The following GPATCH2 variants were observed in gnomAD, a reference collection of about 807,000 sequenced individuals.
The protein encoded by GPATCH2 is G-patch domain containing 2.
A neutral mutation model predicts 58.0 loss-of-function variants in GPATCH2; 51 were observed. The observed-to-expected ratio is 0.88, with a 90% CI of 0.70 to 1.11. The LOEUF (loss-of-function observed/expected upper bound fraction) is 1.11, where lower values mean the gene tolerates loss of function less well. GPATCH2 is among the 50% of genes most tolerant of loss of function. The probability of loss-of-function intolerance (pLI) is 0.00; values close to 1 mark genes in which losing one functional copy is unlikely to be tolerated. For synonymous variants in GPATCH2, 222 were observed against 218.5 expected (o/e 1.02, Z -0.14); for missense variants, 625 against 652.2 (o/e 0.96, Z 0.45).
chr1:217,563,881 C>T (rs1029668278), intron 5 of GPATCH2, among the ~76,000 whole-genome samples: 2 of 151,712 alleles, frequency 1.3e-5, no homozygotes, highest in African/African-American at 4.8e-5. Context: ...CCCGTCTCTA[C>T]TCAAAATACA....
At chr1:217,592,756 T>A (rs1667650640) in intron 5 of GPATCH2, among the ~76,000 whole-genome samples, 1 of 151,932 alleles carries the variant, frequency 6.6e-6, no homozygotes, top group Non-Finnish European at 1.5e-5. Flanking sequence ...GATATTTCTG[T>A]AAGACATAGA....
chr1:217,437,692 C>T (rs1441265999), intron 9 of GPATCH2, among the ~76,000 whole-genome samples: 1 of 152,224 alleles, frequency 6.6e-6, no homozygotes, highest in East Asian at 1.9e-4. Flanking sequence ...GATTCCTCCT[C>T]TATGGGCAGG....
At chr1:217,596,542 G>T (rs577647388) in intron 5 of GPATCH2, among the ~76,000 whole-genome samples, 1 of 151,856 alleles carries the variant, frequency 6.6e-6, no homozygotes, top group Non-Finnish European at 1.5e-5. Flanking sequence ...AATAACACCT[G>T]GCAATTAATA....
chr1:217,599,976 A>G (rs1049392601), intron 5 of GPATCH2, among the ~76,000 whole-genome samples: 10 of 152,280 alleles, frequency 6.6e-5, no homozygotes, highest in Middle Eastern at 6.8e-3. Flanking sequence ...AAAACACCTC[A>G]AAAAAACCAA....
intron 5 of GPATCH2, among the ~76,000 whole-genome samples, chr1:217,544,056 AG>A (rs1482080711): frequency 6.6e-6 from 1 of 152,226 alleles, no homozygotes; most frequent in Non-Finnish European, 1.5e-5. Context: ...GTCTTAAAAA[AG>A]TTTACTCCAG....
intron 1 of GPATCH2, among the ~76,000 whole-genome samples, chr1:217,628,712 G>A (rs1396451234): frequency 6.7e-6 from 1 of 148,786 alleles, no homozygotes; most frequent in African/African-American, 2.5e-5. Flanking sequence ...TACCATAGTT[G>A]AATACAGAAA....
At chr1:217,503,634 A>C (rs1407234060) in intron 6 of GPATCH2, among the ~76,000 whole-genome samples, 1 of 152,174 alleles carries the variant, frequency 6.6e-6, no homozygotes, top group Non-Finnish European at 1.5e-5. Context: ...GGTAGTGAAC[A>C]TAAGATAAAA....
At chr1:217,482,919 C>A (rs1661275623) in intron 8 of GPATCH2, among the ~76,000 whole-genome samples, 1 of 152,146 alleles carries the variant, frequency 6.6e-6, no homozygotes, top group South Asian at 2.1e-4. Flanking sequence ...CCCTGGTCCT[C>A]ACCCCATGTC....
At chr1:217,559,459 G>A (rs753360546) in intron 5 of GPATCH2, among the ~76,000 whole-genome samples, 1 of 152,120 alleles carries the variant, frequency 6.6e-6, no homozygotes, top group Non-Finnish European at 1.5e-5. Context: ...ACTCCATTGA[G>A]AGCTGGCTAC....
At chr1:217,554,141 T>G (rs1448345013) in intron 5 of GPATCH2, among the ~76,000 whole-genome samples, 1 of 152,236 alleles carries the variant, frequency 6.6e-6, no homozygotes, top group Non-Finnish European at 1.5e-5. Context: ...AACAGAAGCC[T>G]TGTTATAGCT....
intron 1 of GPATCH2, among the ~76,000 whole-genome samples, chr1:217,624,262 A>T (rs2102851664): frequency 6.6e-6 from 1 of 152,336 alleles, no homozygotes; most frequent in Admixed American, 6.5e-5. Context: ...TCACGCCTGT[A>T]ATCCCAGCAC....
intron 5 of GPATCH2, among the ~76,000 whole-genome samples, chr1:217,556,197 G>A (rs1181724552): frequency 6.6e-6 from 1 of 152,072 alleles, no homozygotes; most frequent in East Asian, 1.9e-4. Flanking sequence ...AATATAGCTT[G>A]TACAGTTAAG....
At chr1:217,569,865 T>C (rs1446503049) in intron 5 of GPATCH2, among the ~76,000 whole-genome samples, 1 of 151,664 alleles carries the variant, frequency 6.6e-6, no homozygotes, top group African/African-American at 2.4e-5. Context: ...TAATGAAAAA[T>C]GCTAAAGACA....
intron 5 of GPATCH2, among the ~76,000 whole-genome samples, chr1:217,547,237 C>G (rs1324590146): frequency 1.3e-5 from 2 of 152,000 alleles, no homozygotes; most frequent in Non-Finnish European, 2.9e-5. Context: ...GTGGTGGGCA[C>G]CTGTAATCCC....
intron 5 of GPATCH2, among the ~76,000 whole-genome samples, chr1:217,563,517 G>T (rs1666033785): frequency 6.6e-6 from 1 of 152,030 alleles, no homozygotes; most frequent in South Asian, 2.1e-4. Context: ...AGAAATCTAA[G>T]TAAGAATTTG....
At chr1:217,516,448 T>C (rs2102586740) in intron 5 of GPATCH2, among the ~76,000 whole-genome samples, 1 of 152,328 alleles carries the variant, frequency 6.6e-6, no homozygotes, top group East Asian at 1.9e-4. Context: ...AATAACCCTA[T>C]GGTTTGAGCG....
intron 8 of GPATCH2, among the ~76,000 whole-genome samples, chr1:217,476,246 G>C (rs1413882028): frequency 6.6e-6 from 1 of 151,788 alleles, no homozygotes; most frequent in Non-Finnish European, 1.5e-5. Context: ...GTGTGTGTGT[G>C]TGTGTGTGTG....
chr1:217,483,284 A>G (rs758958066), intron 8 of GPATCH2, among the ~76,000 whole-genome samples: 14 of 152,144 alleles, frequency 9.2e-5, no homozygotes, highest in Non-Finnish European at 1.6e-4. Flanking sequence ...TCCCAGGCTC[A>G]AGCAATCCTC....
chr1:217,610,421 A>AT, intron 4 of GPATCH2, 21 bp from the exon 5 acceptor site: 1 of 1,400,448 alleles, frequency 7.1e-7, no homozygotes, highest in Non-Finnish European at 1.0e-6. Context: ...AAAGTACTCA[A>AT]TTTAGAAGTT....
Sources: allele counts gnomAD v4.1 joint callset (sites outside exome capture counted in the v4.1 genomes callset), GRCh38; gene constraint gnomAD v4.1.1; transcripts MANE v1.5; gene names NCBI Gene and HGNC (gene_info 2026-07-23, HGNC 2026-07-21).